Variants in RPS6KA2 observed in about 807,000 individuals in gnomAD.
RPS6KA2 encodes the protein ribosomal protein S6 kinase alpha-2.
Under a neutral mutation model 91.8 loss-of-function variants are expected in RPS6KA2, and 42 were observed. That is an observed-to-expected ratio of 0.46 (90% confidence interval 0.36 to 0.59). The LOEUF is 0.59. RPS6KA2 is among the 20% of genes least tolerant of loss of function. RPS6KA2 has a pLI of 0.00. For missense variants in RPS6KA2, 798 were observed against 978.5 expected, an observed-to-expected ratio of 0.82 and a Z score of 2.46; for synonymous variants, 414 against 393.6, an observed-to-expected ratio of 1.05 and a Z score of -0.61.
At chr6:166,484,199 C>A (rs1056671796) in intron 10 of RPS6KA2, among the ~76,000 whole-genome samples, 8 of 152,216 alleles carry the variant, frequency 5.3e-5, no homozygotes, top group African/African-American at 1.4e-4. Flanking sequence ...TTTCAGAGCA[C>A]CTTAAAGAAC....
upstream of RPS6KA2, among the ~76,000 whole-genome samples, chr6:166,630,148 G>A (rs557865731): frequency 6.6e-6 from 1 of 152,322 alleles, no homozygotes. Flanking sequence ...CCAGGCTGAG[G>A]AATAACAGGG....
rs528983464 is a variant in RPS6KA2, at chr6:166,796,187, T to A, written c.123+62013A>T. ...AGACTAAAAGTAAGCCTACGATAAA[T>A]CCCCACTCTGAGGGAGTTGTAGAGC... On this transcript the variant is annotated intron_variant, in intron 2 of 21. Coordinates refer to the RPS6KA2 transcript ENST00000503859. 3.9e-5 allele frequency among the ~76,000 whole-genome samples: 6 copies of A among 152,204 alleles called. No individual in the cohort carries two copies. In the East Asian group the frequency reaches 1.2e-3, roughly 29 times the overall value.
chr6:166,675,022 G>C (rs1301435726), intron 2 of RPS6KA2, among the ~76,000 whole-genome samples: 1 of 152,210 alleles, frequency 6.6e-6, no homozygotes, highest in East Asian at 1.9e-4. Flanking sequence ...CACCAACACA[G>C]ACACATAAAG....
At chr6:166,653,046 A>T (rs1025033742) in intron 2 of RPS6KA2, among the ~76,000 whole-genome samples, 4 of 151,726 alleles carry the variant, frequency 2.6e-5, no homozygotes, top group Admixed American at 2.0e-4. Context: ...CCATTATTCC[A>T]TTTTTCTCTC....
intron 2 of RPS6KA2, among the ~76,000 whole-genome samples, chr6:166,812,087 G>T (rs1779651474): frequency 6.6e-6 from 1 of 152,162 alleles, no homozygotes; most frequent in Non-Finnish European, 1.5e-5. Flanking sequence ...GGTTGTGGTG[G>T]CTCAAGCCTG....
intron 2 of RPS6KA2, among the ~76,000 whole-genome samples, chr6:166,840,822 G>A (rs538122949): frequency 6.6e-6 from 1 of 152,284 alleles, no homozygotes; most frequent in Admixed American, 6.5e-5. Flanking sequence ...AATTAGCCAG[G>A]TGTGGTGGTG....
intron 1 of RPS6KA2, among the ~76,000 whole-genome samples, chr6:166,579,489 T>C (rs935810257): frequency 2.0e-5 from 3 of 152,170 alleles, no homozygotes; most frequent in African/African-American, 7.2e-5. Flanking sequence ...AGATACATTG[T>C]TACACTGGCT....
chr6:166,795,519 C>T (rs186028938), intron 2 of RPS6KA2, among the ~76,000 whole-genome samples: 1 of 152,322 alleles, frequency 6.6e-6, no homozygotes, highest in East Asian at 1.9e-4. Flanking sequence ...AGCTCTGCAT[C>T]AGACAAAACC....
intron 8 of RPS6KA2, among the ~76,000 whole-genome samples, chr6:166,496,916 G>A (rs572878935): frequency 2.0e-5 from 3 of 152,284 alleles, no homozygotes; most frequent in Middle Eastern, 3.4e-3. Context: ...TCCCTGCACC[G>A]GCAAAACCTG....
intron 8 of RPS6KA2, among the ~76,000 whole-genome samples, chr6:166,492,898 T>C (rs1293061292): frequency 8.0e-5 from 12 of 149,932 alleles, no homozygotes; most frequent in African/African-American, 2.4e-4. Context: ...GTATTTTTTT[T>C]TTTTTTTTTT....
At chr6:166,674,036 G>C (rs577282316) in intron 2 of RPS6KA2, among the ~76,000 whole-genome samples, 1 of 152,214 alleles carries the variant, frequency 6.6e-6, no homozygotes, top group African/African-American at 2.4e-5. Context: ...GAGCTGCATC[G>C]CTGGGGAAAG....
At chr6:166,608,778 G>A (rs1396191601) in intron 1 of RPS6KA2, among the ~76,000 whole-genome samples, 2 of 152,064 alleles carry the variant, frequency 1.3e-5, no homozygotes, top group African/African-American at 2.4e-5. Context: ...CTGGCCCATC[G>A]TGGATGGTGA....
chr6:166,801,552 G>A (rs1318656998), intron 2 of RPS6KA2, among the ~76,000 whole-genome samples: 1 of 152,018 alleles, frequency 6.6e-6, no homozygotes, highest in Admixed American at 6.6e-5. Context: ...TTGCTGTGTT[G>A]CCCAGGCTGG....
At chr6:166,813,384 T>C (rs955319386) in intron 2 of RPS6KA2, among the ~76,000 whole-genome samples, 31 of 152,242 alleles carry the variant, frequency 2.0e-4, no homozygotes, top group Admixed American at 7.2e-4. Flanking sequence ...GATTTGATTA[T>C]GTCTAACTTT....
At chr6:166,574,252 C>T (rs184118112) in intron 1 of RPS6KA2, among the ~76,000 whole-genome samples, 1 of 152,284 alleles carries the variant, frequency 6.6e-6, no homozygotes. Flanking sequence ...GTATGGGTGG[C>T]CCCGTCACCC....
chr6:166,836,314 G>A (rs1468362318), intron 2 of RPS6KA2, among the ~76,000 whole-genome samples: 1 of 151,874 alleles, frequency 6.6e-6, no homozygotes, highest in Admixed American at 6.6e-5. Context: ...GTGTAGAATT[G>A]GTAATATTTC....
At chr6:166,685,699 A>T (rs1205121750) in intron 2 of RPS6KA2, among the ~76,000 whole-genome samples, 1 of 152,140 alleles carries the variant, frequency 6.6e-6, no homozygotes, top group African/African-American at 2.4e-5. Flanking sequence ...CGACAATTCT[A>T]TGGGCATCAC....
rs943021092 is a variant in RPS6KA2 at position 166,435,687 on chromosome 6, A to C, written c.1333-3197T>G. On this transcript the variant is annotated intron_variant, in intron 14 of 20. Transcript: ENST00000265678. The surrounding 1 kb of genome is among the most constrained non-coding windows in gnomAD (Gnocchi z 4.3). ...CACAGGGTAGAGCCAGCGGTCTTTC[A>C]GCAAACATCTGGTTTGCTCCTGAGG... 6.6e-6 allele frequency among the ~76,000 whole-genome samples: 1 copy of C among 152,266 alleles called. No homozygotes were observed. The highest frequency in any genetic ancestry group is 1.5e-5 in the Non-Finnish European group (1 of 68,046).
chr6:166,715,441 A>G (rs1789982370), intron 2 of RPS6KA2, among the ~76,000 whole-genome samples: 1 of 152,250 alleles, frequency 6.6e-6, no homozygotes, highest in Admixed American at 6.5e-5. Context: ...GAGAAGAGGA[A>G]TGAGAGACAG....
Sources: allele counts gnomAD v4.1 joint callset (sites outside exome capture counted in the v4.1 genomes callset), GRCh38; gene constraint gnomAD v4.1.1; non-coding constraint Gnocchi (gnomAD v3.1); transcripts MANE v1.5; gene names NCBI Gene and HGNC (gene_info 2026-07-23, HGNC 2026-07-21).